MACROD2: variants seen among roughly 807,000 people sequenced by gnomAD.
The protein encoded by MACROD2 is ADP-ribose glycohydrolase MACROD2.
Under a neutral mutation model 70.4 loss-of-function variants are expected in MACROD2, and 36 were observed. That is an observed-to-expected ratio of 0.51 (90% confidence interval 0.39 to 0.68). The LOEUF is 0.68. Among genes scored for constraint, MACROD2 ranks in the 30% least tolerant of loss-of-function variants. MACROD2 has a pLI of 0.00. For synonymous variants in MACROD2, 172 were observed against 178.8 expected, an observed-to-expected ratio of 0.96 and a Z score of 0.30; for missense variants, 496 against 538.4, an observed-to-expected ratio of 0.92 and a Z score of 0.78.
At position 15,210,748 on chromosome 20, in the gene MACROD2, G is replaced by C. The variant is rs538817723; in HGVS notation, c.419-19192G>C. Among the ~76,000 whole-genome samples the C allele has an allele frequency of 2.0e-5, 3 of 152,102 alleles. No homozygotes were observed. In the East Asian group the frequency reaches 5.8e-4, roughly 29 times the overall value. ...GTTCTCATGAGATCGTTGTTTAAAA[G>C]TGTGTAGCACCTCCATACTCTCTCT... On this transcript the variant is annotated intron_variant, in intron 5 of 17. Coordinates refer to ENST00000684519, the MANE Select transcript of MACROD2 (RefSeq NM_001351661.2).
At chr20:14,216,345 ATTC>A (rs932111351) in intron 3 of MACROD2, among the ~76,000 whole-genome samples, 7 of 151,882 alleles carry the variant, frequency 4.6e-5, no homozygotes, top group African/African-American at 1.7e-4. Flanking sequence ...TGGGCTCTCT[ATTC>A]TGTTTCATTG....
At chr20:15,842,397 A>T (rs1272371198) in intron 8 of MACROD2, among the ~76,000 whole-genome samples, 2 of 151,616 alleles carry the variant, frequency 1.3e-5, no homozygotes, top group Non-Finnish European at 2.9e-5. Context: ...TAGTGGCTCT[A>T]TGATGTATTT....
chr20:14,052,937 GA>G (rs2148650112), intron 2 of MACROD2, among the ~76,000 whole-genome samples: 1 of 152,058 alleles, frequency 6.6e-6, no homozygotes, highest in East Asian at 1.9e-4. Context: ...AGTAAACAAA[GA>G]TAAGTGAGCA....
At chr20:16,049,541 C>T (rs1279723178) in intron 17 of MACROD2, among the ~76,000 whole-genome samples, 1 of 152,158 alleles carries the variant, frequency 6.6e-6, no homozygotes, top group Non-Finnish European at 1.5e-5. Context: ...CTCAGGGTTA[C>T]AGTTTTCAAC....
Position 14,608,749 on chromosome 20 carries a change from G to A in MACROD2, c.302-76094G>A, listed in dbSNP as rs572935159. On this transcript the variant is annotated intron_variant, in intron 4 of 17. Coordinates refer to ENST00000684519, the MANE Select transcript of MACROD2 (RefSeq NM_001351661.2). The stretch of plus-strand genomic sequence containing the variant: ...TATTTGGATTATATAACTTTAAACA[G>A]TGAATGGGGCTGTAGGAAAAATTGA... 1.1e-4 allele frequency among the ~76,000 whole-genome samples: 16 copies of A among 152,220 alleles called. 1 individual carries two copies. In the South Asian group the frequency reaches 1.7e-3, roughly 16 times the overall value.
chr20:14,641,988 A>G (rs909856384), intron 4 of MACROD2, among the ~76,000 whole-genome samples: 1 of 152,192 alleles, frequency 6.6e-6, no homozygotes. Context: ...TACCTATGAA[A>G]GTCCTAGATG....
At chr20:14,153,712 C>T (rs889522829) in intron 3 of MACROD2, among the ~76,000 whole-genome samples, 2 of 151,792 alleles carry the variant, frequency 1.3e-5, no homozygotes, top group Non-Finnish European at 2.9e-5. Context: ...TTGGCAAAAG[C>T]GAAAATAATC....
chr20:15,197,545 C>A (rs1323211812), intron 5 of MACROD2, among the ~76,000 whole-genome samples: 7 of 152,190 alleles, frequency 4.6e-5, no homozygotes, highest in Admixed American at 4.6e-4. Context: ...ACAATTGAAT[C>A]TCTGGCCTAC....
chr20:15,037,931 A>AT (rs2075326425), intron 5 of MACROD2, among the ~76,000 whole-genome samples: 1 of 137,128 alleles, frequency 7.3e-6, no homozygotes, highest in Non-Finnish European at 1.5e-5. Context: ...AGAAGAGAGA[A>AT]TTTTGGATGT....
intron 5 of MACROD2, among the ~76,000 whole-genome samples, chr20:14,751,861 G>A (rs770950934): frequency 6.6e-6 from 1 of 152,052 alleles, no homozygotes. Context: ...TATATGAAGA[G>A]GGGAAGAACT....
intron 5 of MACROD2, among the ~76,000 whole-genome samples, chr20:14,868,038 T>C (rs953613778): frequency 1.3e-5 from 2 of 152,072 alleles, no homozygotes; most frequent in Non-Finnish European, 2.9e-5. Flanking sequence ...AAACACATTA[T>C]ATTTTAATAT....
intron 12 of MACROD2, 134 bp from the exon 13 acceptor site, chr20:15,967,419 T>C (rs1410780071): frequency 7.9e-5 from 51 of 644,628 alleles, no homozygotes; most frequent in Non-Finnish European, 8.7e-5. Context: ...GGCAAACATA[T>C]GTATTTGAGT....
At chr20:15,933,385 A>AGGTGAAC in intron 11 of MACROD2, 47 bp downstream of exon 11, 1 of 1,538,806 alleles carries the variant, frequency 6.5e-7, no homozygotes, top group Non-Finnish European at 9.0e-7. Flanking sequence ...TCATCTGCAG[A>AGGTGAAC]GGTGAACAGT....
chr20:14,213,235 A>T (rs971120007), intron 3 of MACROD2, among the ~76,000 whole-genome samples: 2 of 151,688 alleles, frequency 1.3e-5, no homozygotes, highest in Non-Finnish European at 2.9e-5. Context: ...AGTAAGCTTC[A>T]CTTTTTTCTA....
intron 5 of MACROD2, among the ~76,000 whole-genome samples, chr20:14,754,394 T>C (rs1162786889): frequency 6.6e-6 from 1 of 152,180 alleles, no homozygotes; most frequent in Non-Finnish European, 1.5e-5. Flanking sequence ...TTCCAAGAGA[T>C]GTTATTAACT....
At chr20:15,874,154 G>A (rs2064631524) in intron 9 of MACROD2, among the ~76,000 whole-genome samples, 1 of 147,440 alleles carries the variant, frequency 6.8e-6, no homozygotes, top group Non-Finnish European at 1.5e-5. Context: ...TTATGAGTGA[G>A]AACATGCAGC....
chr20:14,323,869 TAA>T (rs915028759), intron 3 of MACROD2: 5 of 152,184 alleles, frequency 3.3e-5, no homozygotes, highest in African/African-American at 1.2e-4. Flanking sequence ...GCAGTGCGCC[TAA>T]GAGAGAAAGG....
At chr20:14,619,976 A>G (rs1277724996) in intron 4 of MACROD2, among the ~76,000 whole-genome samples, 6 of 152,136 alleles carry the variant, frequency 3.9e-5, no homozygotes, top group Non-Finnish European at 7.4e-5. Flanking sequence ...CTTTTAACAC[A>G]TATCTTTGTC....
At chr20:14,372,056 C>T (rs1998234) in intron 3 of MACROD2, among the ~76,000 whole-genome samples, 25,651 of 151,950 alleles carry the variant, frequency 0.17, 2,962 homozygotes, top group Non-Finnish European at 0.24. Context: ...TTTTCCTGGT[C>T]CGTGAGGGCA....
Sources: gnomAD v4.1 joint callset for allele counts (sites outside exome capture counted in the v4.1 genomes callset) on GRCh38, gnomAD v4.1.1 for gene constraint, MANE v1.5 for transcripts, NCBI Gene and HGNC (gene_info 2026-07-23, HGNC 2026-07-21) for gene names.